The following TNPO3 variants were observed in gnomAD, a reference collection of about 807,000 sequenced individuals.
TNPO3 encodes the protein transportin 3, also known as transportin-3.
Under a neutral mutation model 122.8 loss-of-function variants are expected in TNPO3, and 65 were observed. That is an observed-to-expected ratio of 0.53 (90% CI 0.43 to 0.65). The LOEUF (loss-of-function observed/expected upper bound fraction) is 0.65. TNPO3 is among the 30% of genes least tolerant of loss of function. The pLI, the probability that TNPO3 is intolerant of heterozygous loss-of-function variation, is 0.00. For missense variants in TNPO3, 850 were observed against 1,136.7 expected (o/e 0.75, Z 3.63); for synonymous variants, 372 against 411.2 (o/e 0.90, Z 1.15).
intron 17 of TNPO3, 141 bp downstream of exon 17, chr7:128,975,678 C>A: frequency 1.6e-6 from 1 of 613,924 alleles, no homozygotes; most frequent in East Asian, 2.7e-5. Flanking sequence ...GGGAAGCTTC[C>A]ACCTCCCTGT....
chr7:128,956,471 A>G (rs558833694), intron 22 of TNPO3, among the ~76,000 whole-genome samples: 12 of 152,334 alleles, frequency 7.9e-5, no homozygotes, highest in African/African-American at 2.6e-4. Context: ...AAAAGTGCTC[A>G]TCGGGAGCCA....
At chr7:129,018,908 G>C (rs761323175) in intron 1 of TNPO3, among the ~76,000 whole-genome samples, 1 of 152,040 alleles carries the variant, frequency 6.6e-6, no homozygotes, top group Non-Finnish European at 1.5e-5. Flanking sequence ...TAGTAGAGGC[G>C]AGGTTTCACC....
chr7:128,969,242 G>A (rs1174505647), intron 20 of TNPO3, among the ~76,000 whole-genome samples: 1 of 152,098 alleles, frequency 6.6e-6, no homozygotes, highest in Non-Finnish European at 1.5e-5. Flanking sequence ...TTTCCCTCAG[G>A]TCAAGGACTT....
chr7:129,001,285 G>C (rs1801922045), intron 5 of TNPO3, 51 bp from the exon 6 acceptor site: 1 of 1,526,226 alleles, frequency 6.6e-7, no homozygotes, highest in Non-Finnish European at 9.0e-7. Flanking sequence ...ACTAAGGAGT[G>C]ATCTACAGTT....
chr7:128,975,296 G>A (rs926283216), intron 17 of TNPO3, among the ~76,000 whole-genome samples: 1 of 152,184 alleles, frequency 6.6e-6, no homozygotes, highest in African/African-American at 2.4e-5. Flanking sequence ...GGGAGTGGAA[G>A]TTTTTATAAT....
At chr7:129,021,792 T>A (rs1804550276) in intron 1 of TNPO3, among the ~76,000 whole-genome samples, 1 of 151,884 alleles carries the variant, frequency 6.6e-6, no homozygotes, top group Non-Finnish European at 1.5e-5. Flanking sequence ...AAGAATAGAA[T>A]TGAGAAGGAA....
chr7:129,019,089 G>GA (rs765396877), intron 1 of TNPO3, among the ~76,000 whole-genome samples: 23 of 152,106 alleles, frequency 1.5e-4, no homozygotes, highest in Non-Finnish European at 2.4e-4. Flanking sequence ...ATTTTCAATG[G>GA]AAAAATAAAC....
intron 5 of TNPO3, among the ~76,000 whole-genome samples, chr7:129,004,366 GATA>G (rs1369820339): frequency 2.6e-5 from 4 of 152,146 alleles, no homozygotes; most frequent in Non-Finnish European, 5.9e-5. Context: ...TTATGCTTGA[GATA>G]ATGTTATGTT....
intron 19 of TNPO3, 129 bp from the exon 20 acceptor site, chr7:128,970,444 G>A (rs1396245872): frequency 3.9e-6 from 3 of 772,740 alleles, no homozygotes; most frequent in Non-Finnish European, 6.1e-6. Context: ...GTGGCTGTGT[G>A]TGTGTGTATG....
chr7:128,992,181 GCTT>G (rs1800817447), intron 9 of TNPO3, 91 bp from the exon 10 acceptor site: 1 of 658,486 alleles, frequency 1.5e-6, no homozygotes. Context: ...AGTAAATCCT[GCTT>G]CTTGTTTCTA....
intron 11 of TNPO3, among the ~76,000 whole-genome samples, chr7:128,987,623 C>G (rs113092708): frequency 0.024 from 3,617 of 152,248 alleles, 73 homozygotes; most frequent in East Asian, 0.065. Context: ...CTCTGTCCCA[C>G]AGGCTGGAGT....
chr7:128,976,989 C>T (rs184307704), intron 16 of TNPO3, among the ~76,000 whole-genome samples: 1 of 152,216 alleles, frequency 6.6e-6, no homozygotes, highest in East Asian at 1.9e-4. Flanking sequence ...GTCTTCTGCC[C>T]ACTCAAGTTT....
At chr7:129,003,167 G>A (rs1184953882) in intron 5 of TNPO3, among the ~76,000 whole-genome samples, 2 of 151,426 alleles carry the variant, frequency 1.3e-5, no homozygotes, top group Non-Finnish European at 2.9e-5. Flanking sequence ...AGGTTGCCGT[G>A]AGCCGAGATT....
At chr7:129,013,975 C>T (rs188927419) in intron 4 of TNPO3, among the ~76,000 whole-genome samples, 25 of 151,942 alleles carry the variant, frequency 1.6e-4, no homozygotes, top group African/African-American at 5.8e-4. Context: ...GGAAGGGTAA[C>T]GGGGAGGGGA....
chr7:129,011,528 G>A (rs1169763846), intron 4 of TNPO3, among the ~76,000 whole-genome samples: 1 of 151,840 alleles, frequency 6.6e-6, no homozygotes, highest in African/African-American at 2.4e-5. Flanking sequence ...GTTTTTAGTA[G>A]AGACGGGGTT....
chr7:129,028,898 A>G (rs75456523), intron 1 of TNPO3: 18,243 of 371,032 alleles, frequency 0.049, 587 homozygotes, highest in East Asian at 0.085. Context: ...AACCATGAAG[A>G]GTTTAATAAT....
intron 5 of TNPO3, among the ~76,000 whole-genome samples, chr7:129,002,896 C>T (rs1004772094): frequency 2.0e-5 from 3 of 151,930 alleles, no homozygotes; most frequent in Non-Finnish European, 4.4e-5. Flanking sequence ...AAAAATTAGC[C>T]GGGCGTGGTG....
intron 3 of TNPO3, 149 bp downstream of exon 3, chr7:129,016,834 G>A (rs985765260): frequency 3.1e-6 from 2 of 643,480 alleles, no homozygotes; most frequent in Non-Finnish European, 5.2e-6. Context: ...TTTTAGATAA[G>A]TTTCATTTAA....
At chr7:128,967,041 G>A (rs933828890) in intron 21 of TNPO3, among the ~76,000 whole-genome samples, 18 of 152,266 alleles carry the variant, frequency 1.2e-4, no homozygotes, top group African/African-American at 4.3e-4. Flanking sequence ...TCCTTTGGGA[G>A]AAACAGTGCC....
Sources: gnomAD v4.1 joint callset for allele counts (sites outside exome capture counted in the v4.1 genomes callset) on GRCh38, gnomAD v4.1.1 for gene constraint, MANE v1.5 for transcripts, NCBI Gene and HGNC (gene_info 2026-07-23, HGNC 2026-07-21) for gene names.